MTCL2: variants seen among roughly 807,000 people sequenced by gnomAD.
The protein encoded by MTCL2 is microtubule cross-linking factor 2.
At chr20:36,815,864 C>G in the MTCL2 span, 1 of 1,605,170 alleles carries the variant, frequency 6.2e-7, no homozygotes, top group South Asian at 1.1e-5. The surrounding 1 kb of genome is among the most constrained non-coding windows in gnomAD (Gnocchi z 5.3). Context: ...AGGAGCGCCG[C>G]AGCAGCTCGG....
chr20:36,850,270 T>A, the MTCL2 span, among the ~76,000 whole-genome samples: 2 of 152,078 alleles, frequency 1.3e-5, no homozygotes, highest in African/African-American at 4.8e-5. Flanking sequence ...GGCTCACACC[T>A]GTAATCCCAG....
At chr20:36,853,433 C>G in the MTCL2 span, among the ~76,000 whole-genome samples, 4 of 152,100 alleles carry the variant, frequency 2.6e-5, no homozygotes, top group African/African-American at 9.7e-5. Context: ...ACTAGACAGT[C>G]TTATAATGAA....
chr20:36,805,765 G>T, the MTCL2 span: 2 of 1,161,668 alleles, frequency 1.7e-6, no homozygotes, highest in Non-Finnish European at 2.4e-6. Context: ...GTCCAGGAAT[G>T]GGGTCAGAGA....
At chr20:36,841,324 GA>G in the MTCL2 span, among the ~76,000 whole-genome samples, 1 of 147,374 alleles carries the variant, frequency 6.8e-6, no homozygotes, top group Admixed American at 6.8e-5. Flanking sequence ...CTATCTCCAA[GA>G]AAAAAAAACA....
At chr20:36,794,614 G>A in the MTCL2 span, 1 of 1,614,012 alleles carries the variant, frequency 6.2e-7, no homozygotes, top group South Asian at 1.1e-5. The surrounding 1 kb of genome is among the most constrained non-coding windows in gnomAD (Gnocchi z 5.4). Context: ...GAAGGACAGA[G>A]GAGGAAACGT....
chr20:36,849,302 AC>A, the MTCL2 span, among the ~76,000 whole-genome samples: 1 of 151,168 alleles, frequency 6.6e-6, no homozygotes, highest in Non-Finnish European at 1.5e-5. Flanking sequence ...CAGGTAATCC[AC>A]CCGCCTCGGC....
chr20:36,793,566 C>T, the MTCL2 span: 7 of 1,551,684 alleles, frequency 4.5e-6, no homozygotes, highest in South Asian at 1.2e-5. The surrounding 1 kb of genome is among the most constrained non-coding windows in gnomAD (Gnocchi z 6.8). Context: ...CAGACAGACT[C>T]CGTGCTCCCT....
the MTCL2 span, chr20:36,808,878 C>G: frequency 4.2e-6 from 3 of 710,870 alleles, no homozygotes; most frequent in Non-Finnish European, 6.9e-6. Flanking sequence ...TCCCACCACA[C>G]GTGGCGCAAT....
At chr20:36,801,364 C>T in the MTCL2 span, among the ~76,000 whole-genome samples, 1 of 151,734 alleles carries the variant, frequency 6.6e-6, no homozygotes, top group Non-Finnish European at 1.5e-5. Context: ...AGGAAAGACA[C>T]AAAGTATAAA....
chr20:36,844,168 G>C, the MTCL2 span, among the ~76,000 whole-genome samples: 1 of 151,892 alleles, frequency 6.6e-6, no homozygotes, highest in African/African-American at 2.4e-5. Flanking sequence ...CCCAGGAGGC[G>C]GAGGTTGCAG....
At chr20:36,819,869 T>C in the MTCL2 span, among the ~76,000 whole-genome samples, 1 of 151,954 alleles carries the variant, frequency 6.6e-6, no homozygotes, top group African/African-American at 2.4e-5. Context: ...GAGCCAGTAT[T>C]TGAGAAGTGC....
At chr20:36,785,053 G>A in the MTCL2 span, 954 of 985,480 alleles carry the variant, frequency 9.7e-4, 7 homozygotes, top group African/African-American at 0.016. Context: ...GAGTGGTGAT[G>A]GCCGTCCAGC....
the MTCL2 span, chr20:36,815,319 T>G: frequency 6.2e-7 from 1 of 1,613,752 alleles, no homozygotes; most frequent in Admixed American, 1.7e-5. The surrounding 1 kb of genome is among the most constrained non-coding windows in gnomAD (Gnocchi z 5.3). Context: ...ATGGATGAGC[T>G]TGGTGTCCCT....
At chr20:36,791,736 C>T in the MTCL2 span, among the ~76,000 whole-genome samples, 1 of 152,278 alleles carries the variant, frequency 6.6e-6, no homozygotes, top group Non-Finnish European at 1.5e-5. Context: ...GGACAGCCCA[C>T]CCAGTCCTTG....
chr20:36,827,503 T>C, the MTCL2 span, among the ~76,000 whole-genome samples: 1 of 151,742 alleles, frequency 6.6e-6, no homozygotes, highest in African/African-American at 2.4e-5. Context: ...GGATAATTTT[T>C]GCATTCTTTA....
At chr20:36,781,204 G>A in the MTCL2 span, 2 of 152,186 alleles carry the variant, frequency 1.3e-5, no homozygotes, top group African/African-American at 4.8e-5. Flanking sequence ...TCCCTGCTCA[G>A]TGCTCTTTTT....
At chr20:36,863,006 G>A in the MTCL2 span, 3 of 1,402,252 alleles carry the variant, frequency 2.1e-6, no homozygotes, top group East Asian at 1.0e-4. The surrounding 1 kb of genome is among the most constrained non-coding windows in gnomAD (Gnocchi z 6.2). Context: ...TGAGGCTGGG[G>A]GGCGGCGGTG....
the MTCL2 span, chr20:36,805,706 G>C: frequency 1.5e-6 from 1 of 654,008 alleles, no homozygotes. Flanking sequence ...CCATCATCTG[G>C]ACTCTGTTAC....
At chr20:36,855,459 G>A in the MTCL2 span, among the ~76,000 whole-genome samples, 4 of 152,218 alleles carry the variant, frequency 2.6e-5, no homozygotes, top group Non-Finnish European at 5.9e-5. Flanking sequence ...TGCTGACTGA[G>A]GCCTCCAGTG....
Sources: allele counts gnomAD v4.1 joint callset (sites outside exome capture counted in the v4.1 genomes callset), GRCh38; gene constraint gnomAD v4.1.1; non-coding constraint Gnocchi (gnomAD v3.1); transcripts MANE v1.5; gene names NCBI Gene and HGNC (gene_info 2026-07-23, HGNC 2026-07-21).